Variants in RARB observed in about 807,000 individuals in gnomAD.
The protein encoded by RARB is retinoic acid receptor beta.
A neutral mutation model predicts 51.9 loss-of-function variants in RARB; 17 were observed. That is an observed-to-expected ratio of 0.33 (90% confidence interval 0.22 to 0.49). RARB has a LOEUF of 0.49. RARB is among the 20% of genes least tolerant of loss of function. RARB has a pLI of 0.99. For synonymous variants in RARB, 215 were observed against 195.4 expected, an observed-to-expected ratio of 1.10 and a Z score of -0.84; for missense variants, 369 against 550.8, an observed-to-expected ratio of 0.67 and a Z score of 3.30.
chr3:24,905,515 G>T (rs556134686), intron 2 of RARB, among the ~76,000 whole-genome samples: 48 of 152,306 alleles, frequency 3.2e-4, no homozygotes, highest in Non-Finnish European at 5.9e-4. Context: ...ACATGACACA[G>T]TTCTGGCCAG....
At chr3:24,883,056 G>C in intron 2 of RARB, among the ~76,000 whole-genome samples, 1 of 152,116 alleles carries the variant, frequency 6.6e-6, no homozygotes, top group East Asian at 1.9e-4. Context: ...GAGTCAGTAA[G>C]AGCCTTTCTC....
At chr3:25,172,588 C>A (rs1008356889) in intron 4 of RARB, among the ~76,000 whole-genome samples, 1 of 152,052 alleles carries the variant, frequency 6.6e-6, no homozygotes, top group African/African-American at 2.4e-5. Context: ...TCAACCTTAC[C>A]CAGATCCCTC....
chr3:24,922,970 C>A lies in RARB; in HGVS notation c.-380+64218C>A, dbSNP rs552519688. 3.3e-5 allele frequency among the ~76,000 whole-genome samples: 5 copies of A among 152,238 alleles called. No homozygotes were observed. The East Asian group carries it at 9.7e-4, about 29-fold the overall frequency. ...ATTACGAATCAAAAAGTTTAAATGA[C>A]AAAGAGACTATATTTTTTCTTTGTT... is the stretch of plus-strand genomic sequence containing the variant. On this transcript the variant is annotated intron_variant, in intron 2 of 11. Transcript: ENST00000383772.
chr3:25,023,457 G>A (rs1418507391), intron 2 of RARB, among the ~76,000 whole-genome samples: 3 of 152,156 alleles, frequency 2.0e-5, no homozygotes, highest in Non-Finnish European at 2.9e-5. Flanking sequence ...AGGACTAATA[G>A]CTCAGTATGT....
chr3:25,256,600 C>T (rs1559334275), intron 5 of RARB, among the ~76,000 whole-genome samples: 1 of 152,024 alleles, frequency 6.6e-6, no homozygotes, highest in South Asian at 2.1e-4. Context: ...ACCATGAGTT[C>T]AGAATTTTTA....
At chr3:25,146,938 C>A (rs553888396) in intron 4 of RARB, among the ~76,000 whole-genome samples, 41 of 152,284 alleles carry the variant, frequency 2.7e-4, no homozygotes, top group Middle Eastern at 3.4e-3. Context: ...AATGTCAGAA[C>A]TGCATGGTAG....
intron 5 of RARB, among the ~76,000 whole-genome samples, chr3:25,200,112 T>G (rs1303202731): frequency 6.6e-6 from 1 of 152,140 alleles, no homozygotes. Flanking sequence ...CACCTGTTGT[T>G]TCCTGACTTT....
At chr3:25,284,184 C>A (rs1332788804) in intron 5 of RARB, among the ~76,000 whole-genome samples, 1 of 152,122 alleles carries the variant, frequency 6.6e-6, no homozygotes, top group East Asian at 1.9e-4. Flanking sequence ...TCTAACAGCT[C>A]ATGAGGAACT....
chr3:25,105,951 C>T (rs940306549), intron 3 of RARB, among the ~76,000 whole-genome samples: 3 of 152,112 alleles, frequency 2.0e-5, no homozygotes, highest in South Asian at 2.1e-4. Context: ...TTGCACAGTA[C>T]GATTTGGTAG....
At chr3:25,376,449 T>C (rs1219379076) in intron 5 of RARB, among the ~76,000 whole-genome samples, 2 of 152,214 alleles carry the variant, frequency 1.3e-5, no homozygotes, top group Non-Finnish European at 2.9e-5. Flanking sequence ...TGGCCCCAGA[T>C]ACAACCTTGT....
intron 5 of RARB, among the ~76,000 whole-genome samples, chr3:25,282,153 G>C (rs533540668): frequency 2.6e-5 from 4 of 152,190 alleles, no homozygotes; most frequent in African/African-American, 9.7e-5. Context: ...TTAGGAATTA[G>C]GTGCCAGATA....
At chr3:25,096,251 G>T (rs540527814) in intron 3 of RARB, among the ~76,000 whole-genome samples, 5 of 152,258 alleles carry the variant, frequency 3.3e-5, no homozygotes, top group South Asian at 2.1e-4. Flanking sequence ...GTTTGTGAAA[G>T]AATTAAGATT....
chr3:25,284,665 T>C (rs1162821584), intron 5 of RARB, among the ~76,000 whole-genome samples: 1 of 152,090 alleles, frequency 6.6e-6, no homozygotes, highest in East Asian at 1.9e-4. Context: ...ACCATTTGGA[T>C]GTGCACTCAG....
rs142349465 is a variant in RARB at position 25,053,981 on chromosome 3, C to T, written c.-379-6144C>T. 4.3e-3 allele frequency among the ~76,000 whole-genome samples: 651 copies of T among 152,200 alleles called. 6 individuals carry two copies. Among genetic ancestry groups the T allele is most frequent in the African/African-American group, 0.015 (630 of 41,542 alleles). Reference sequence around the variant, plus strand: ...CATCCTACAGATATGGCTTGTGCTCCTACTCTGGGCCTGGCGCAGGTCATT... The same window carrying T: ...CATCCTACAGATATGGCTTGTGCTCTTACTCTGGGCCTGGCGCAGGTCATT... On this transcript the variant is annotated intron_variant, in intron 2 of 11. Transcript: ENST00000383772.
intron 5 of RARB, among the ~76,000 whole-genome samples, chr3:25,355,318 A>C (rs1457768489): frequency 2.0e-5 from 3 of 151,976 alleles, no homozygotes; most frequent in Non-Finnish European, 4.4e-5. Context: ...GGATTTAAAA[A>C]ATCTTTTCCA....
chr3:24,978,390 T>G lies in RARB; in HGVS notation c.-379-81735T>G, dbSNP rs369044018. On this transcript the variant is annotated intron_variant, in intron 2 of 11. Transcript: ENST00000383772. ...CTGTGAATCTGTCTGGTCCTGTACT[T>G]TTTTTGGTTGGTAGGCTATTAATTA... 1.7e-3 allele frequency among the ~76,000 whole-genome samples: 255 copies of G among 152,232 alleles called. 2 individuals are homozygous for G. The South Asian group carries it at 0.018, about 11-fold the overall frequency.
At chr3:25,507,201 T>A (rs2125615121) in intron 3 of RARB, among the ~76,000 whole-genome samples, 1 of 152,372 alleles carries the variant, frequency 6.6e-6, no homozygotes, top group East Asian at 1.9e-4. Context: ...CATGTCTTTC[T>A]CACCTTGTAG....
At chr3:25,204,960 A>G (rs182366496) in intron 5 of RARB, among the ~76,000 whole-genome samples, 2,789 of 152,280 alleles carry the variant, frequency 0.018, 89 homozygotes, top group African/African-American at 0.062. Context: ...GCTGTCAGAC[A>G]GGGACATTTA....
At chr3:24,863,525 G>A (rs1354981855) in intron 2 of RARB, among the ~76,000 whole-genome samples, 1 of 152,110 alleles carries the variant, frequency 6.6e-6, no homozygotes, top group Non-Finnish European at 1.5e-5. Flanking sequence ...GGAAGTCAAA[G>A]ATCATGTCAG....
Sources: gnomAD v4.1 joint callset for allele counts (sites outside exome capture counted in the v4.1 genomes callset) on GRCh38, gnomAD v4.1.1 for gene constraint, MANE v1.5 for transcripts, NCBI Gene and HGNC (gene_info 2026-07-23, HGNC 2026-07-21) for gene names.